SNTB1: variants seen among roughly 807,000 people sequenced by gnomAD.
SNTB1 encodes beta-1-syntrophin.
In SNTB1, 36 loss-of-function variants were observed where a neutral mutation model predicts 48.9. The ratio of observed to expected loss-of-function variants is 0.74; its 90% CI spans 0.56 to 0.97. The LOEUF (loss-of-function observed/expected upper bound fraction) is 0.97. Among genes scored for constraint, SNTB1 ranks in the 50% least tolerant of loss-of-function variants. The pLI, the probability that SNTB1 is intolerant of heterozygous loss-of-function variation, is 0.00. For missense variants in SNTB1, 786 were observed against 703.4 expected (o/e 1.12, Z -1.33); for synonymous variants, 299 against 294.6 (o/e 1.01, Z -0.15).
intron 5 of SNTB1, among the ~76,000 whole-genome samples, chr8:120,546,811 A>G (rs1176839288): frequency 6.6e-6 from 1 of 152,152 alleles, no homozygotes; most frequent in African/African-American, 2.4e-5. Flanking sequence ...AAAATTTTAA[A>G]TTATCTATCT....
intron 1 of SNTB1, among the ~76,000 whole-genome samples, chr8:120,722,319 A>C (rs1818675479): frequency 1.3e-5 from 2 of 152,350 alleles, no homozygotes; most frequent in African/African-American, 2.4e-5. Context: ...AGGAATCGCC[A>C]CACTGTCTTC....
intron 3 of SNTB1, among the ~76,000 whole-genome samples, chr8:120,598,327 T>C (rs748872142): frequency 1.3e-5 from 2 of 152,250 alleles, no homozygotes; most frequent in Non-Finnish European, 2.9e-5. Flanking sequence ...CACATTTGCA[T>C]ATAACAGAGC....
At chr8:120,723,789 AATGTGTTTAGAACCCC>A (rs1818709322) in intron 1 of SNTB1, among the ~76,000 whole-genome samples, 3 of 152,216 alleles carry the variant, frequency 2.0e-5, no homozygotes, top group Non-Finnish European at 4.4e-5. Flanking sequence ...AAGAACATGA[AATGTGTTTAGAACCCC>A]AGGACAATAC....
intron 2 of SNTB1, among the ~76,000 whole-genome samples, chr8:120,644,269 G>A (rs1298472238): frequency 3.3e-5 from 5 of 149,724 alleles, no homozygotes; most frequent in East Asian, 2.0e-4. Flanking sequence ...CCACTAACTC[G>A]TCATCTAGCA....
rs576740377 is a variant in SNTB1, at chr8:120,727,223, G to T, written c.572-33315C>A. Among the ~76,000 whole-genome samples the T allele has an allele frequency of 5.8e-4, 88 of 152,304 alleles. 3 individuals carry two copies. The South Asian group carries it at 7.5e-3, about 13-fold the overall frequency. On this transcript the variant is annotated intron_variant, in intron 1 of 6. Transcript: ENST00000517992. Reference sequence around the variant, plus strand: ...TGTAGTTGTCATGCATTAAAAAGCTGCCTAAAGCTTTAGGGGTGTGTGCCA... The same window carrying T: ...TGTAGTTGTCATGCATTAAAAAGCTTCCTAAAGCTTTAGGGGTGTGTGCCA...
At chr8:120,591,055 T>C (rs1052040768) in intron 3 of SNTB1, among the ~76,000 whole-genome samples, 1 of 152,146 alleles carries the variant, frequency 6.6e-6, no homozygotes, top group African/African-American at 2.4e-5. Flanking sequence ...GGCATTAACA[T>C]TTCCAAGAGA....
chr8:120,573,716 T>C (rs1815895171), intron 4 of SNTB1, among the ~76,000 whole-genome samples: 1 of 152,212 alleles, frequency 6.6e-6, no homozygotes, highest in South Asian at 2.1e-4. Flanking sequence ...TTTTTGTGTA[T>C]GGTGTAAAAT....
At chr8:120,716,129 G>T (rs1436311610) in intron 1 of SNTB1, among the ~76,000 whole-genome samples, 3 of 152,214 alleles carry the variant, frequency 2.0e-5, no homozygotes. Flanking sequence ...TTTTAGGGCT[G>T]AGCCCATAGT....
rs772483531 is a variant in SNTB1 at position 120,811,735 on chromosome 8, C to T, written c.109G>A (p.Val37Ile). 2 of 1,559,708 alleles carry T rather than the reference C, an allele frequency of 1.3e-6. No homozygotes were observed. Among genetic ancestry groups the T allele is most frequent in the African/African-American group, 2.8e-5 (2 of 70,388 alleles). Residue 37 changes from valine (V) to isoleucine (I), a missense_variant, in exon 1 of 7, where the codon GTT becomes ATT. Coordinates refer to ENST00000517992, the MANE Select transcript of SNTB1 (RefSeq NM_021021.4). ...EVLVRDRWHK[V>I]LVNLSEDALV... ...GCGTCCTCGCTCAAGTTCACCAGAACTTTGTGCCAGCGATCCCGCACCAAA... is the reference window on the plus strand; with the variant it reads ...GCGTCCTCGCTCAAGTTCACCAGAATTTTGTGCCAGCGATCCCGCACCAAA...
At chr8:120,809,533 A>G (rs952290211) in intron 1 of SNTB1, among the ~76,000 whole-genome samples, 1 of 152,066 alleles carries the variant, frequency 6.6e-6, no homozygotes. Flanking sequence ...TTGCCAAGTC[A>G]TTATTCATTA....
At chr8:120,806,565 G>T (rs529726761) in intron 1 of SNTB1, among the ~76,000 whole-genome samples, 11 of 152,252 alleles carry the variant, frequency 7.2e-5, no homozygotes, top group Admixed American at 5.9e-4. Context: ...TATGTTATTT[G>T]TGAAATTCAC....
intron 2 of SNTB1, among the ~76,000 whole-genome samples, chr8:120,639,985 C>T (rs1029745310): frequency 5.9e-5 from 9 of 151,736 alleles, no homozygotes; most frequent in East Asian, 1.9e-4. Context: ...GCCATTTTCA[C>T]GATATTGATT....
intron 2 of SNTB1, among the ~76,000 whole-genome samples, chr8:120,663,602 C>T (rs955936541): frequency 9.9e-5 from 15 of 152,238 alleles, no homozygotes; most frequent in African/African-American, 2.2e-4. Flanking sequence ...CCACTGCACC[C>T]GGCCACAAGT....
intron 3 of SNTB1, among the ~76,000 whole-genome samples, chr8:120,584,438 C>CAAAA (rs11443743): frequency 0.033 from 1,870 of 56,800 alleles, 315 homozygotes; most frequent in African/African-American, 0.054. Flanking sequence ...AACTCCATCT[C>CAAAA]AAAAAAAAAA....
intron 4 of SNTB1, among the ~76,000 whole-genome samples, chr8:120,563,349 T>G (rs535266175): frequency 1.3e-5 from 2 of 152,054 alleles, no homozygotes; most frequent in East Asian, 3.9e-4. Flanking sequence ...AAAAATGTTC[T>G]CCCAAGGACT....
At chr8:120,732,854 A>T (rs910392694) in intron 1 of SNTB1, among the ~76,000 whole-genome samples, 2 of 152,248 alleles carry the variant, frequency 1.3e-5, no homozygotes, top group East Asian at 3.8e-4. Flanking sequence ...CATCTAAAAA[A>T]CAAAAAGAAA....
intron 5 of SNTB1, among the ~76,000 whole-genome samples, chr8:120,544,679 A>T (rs947035629): frequency 6.6e-6 from 1 of 152,110 alleles, no homozygotes; most frequent in Non-Finnish European, 1.5e-5. Context: ...CTTTCCTACA[A>T]CACTCCCCAA....
chr8:120,737,725 T>C (rs1407802827), intron 1 of SNTB1, among the ~76,000 whole-genome samples: 1 of 152,178 alleles, frequency 6.6e-6, no homozygotes, highest in African/African-American at 2.4e-5. Flanking sequence ...TACCTTGCAA[T>C]GCAAACCTCA....
intron 2 of SNTB1, among the ~76,000 whole-genome samples, chr8:120,644,032 A>G (rs1002619511): frequency 5.3e-5 from 8 of 152,218 alleles, no homozygotes; most frequent in African/African-American, 1.9e-4. Context: ...TAAAACCACC[A>G]TAGAGAAGCT....
Sources: gnomAD v4.1 joint callset for allele counts (sites outside exome capture counted in the v4.1 genomes callset) on GRCh38, gnomAD v4.1.1 for gene constraint, MANE v1.5 for transcripts, NCBI Gene and HGNC (gene_info 2026-07-23, HGNC 2026-07-21) for gene names.